The following CNTLN variants were observed in gnomAD, a reference collection of about 807,000 sequenced individuals.
CNTLN encodes the protein centlein, centrosomal protein.
Under a neutral mutation model 180.0 loss-of-function variants are expected in CNTLN, and 212 were observed. That is an observed-to-expected ratio of 1.18 (90% CI 1.05 to 1.32). The LOEUF (loss-of-function observed/expected upper bound fraction) is 1.32. CNTLN is among the 40% of genes most tolerant of loss of function. The probability of loss-of-function intolerance (pLI) is 0.00; values close to 1 mark genes in which losing one functional copy is unlikely to be tolerated. For missense variants in CNTLN, 2,095 were observed against 1,610.9 expected (o/e 1.30, Z -5.14); for synonymous variants, 722 against 563.1 (o/e 1.28, Z -3.99).
intron 2 of CNTLN, among the ~76,000 whole-genome samples, chr9:17,203,778 T>C (rs7039814): frequency 0.32 from 48,549 of 152,044 alleles, 9,618 homozygotes; most frequent in East Asian, 0.6. Flanking sequence ...AGGATGGTCT[T>C]GATCTCCGGA....
At chr9:17,526,621 G>A in the CNTLN span, among the ~76,000 whole-genome samples, 3 of 152,130 alleles carry the variant, frequency 2.0e-5, no homozygotes, top group African/African-American at 7.2e-5. Context: ...TAAAGGGTCT[G>A]GACATACTGT....
At chr9:17,140,829 T>TTG (rs1490693799) in intron 1 of CNTLN, among the ~76,000 whole-genome samples, 2 of 152,232 alleles carry the variant, frequency 1.3e-5, no homozygotes, top group African/African-American at 4.8e-5. Flanking sequence ...CAATTTTTAT[T>TTG]TGTTGATTAA....
chr9:17,440,864 C>T lies in CNTLN; in HGVS notation c.3115-16660C>T, dbSNP rs542592535. On this transcript the variant is annotated intron_variant, in intron 18 of 25. Transcript: ENST00000380647. ...AAAGACCATATACAGTATGATTCTA[C>T]TTATATAAAATGTCCAGAAAAGGCA... Among the ~76,000 whole-genome samples, 47 of 152,242 alleles carry T rather than the reference C, an allele frequency of 3.1e-4. No individual in the cohort carries two copies. In the South Asian group the frequency reaches 8.7e-3, roughly 28 times the overall value.
At chr9:17,350,386 A>G (rs924774830) in intron 12 of CNTLN, among the ~76,000 whole-genome samples, 2 of 152,130 alleles carry the variant, frequency 1.3e-5, no homozygotes, top group African/African-American at 4.8e-5. Context: ...TTAGATGGGT[A>G]CTTTTTTAGG....
chr9:17,377,217 C>A lies in CNTLN; in HGVS notation c.1987+10500C>A, dbSNP rs77805550. Among the ~76,000 whole-genome samples, 2,704 of 152,200 alleles carry A rather than the reference C, an allele frequency of 0.018. 154 individuals are homozygous for A. In the East Asian group the frequency reaches 0.23, roughly 13 times the overall value. On this transcript the variant is annotated intron_variant, in intron 13 of 25. Coordinates refer to ENST00000380647, the MANE Select transcript of CNTLN (RefSeq NM_017738.4). ...GCCATGGCTTTTCTATTTATGAATTCTTTCTTTTCGTATGTTTCTTGATTA... is the reference window on the plus strand; with the variant it reads ...GCCATGGCTTTTCTATTTATGAATTATTTCTTTTCGTATGTTTCTTGATTA...
rs544160776 is a variant in CNTLN at position 17,466,387 on chromosome 9, T to C, written c.3669+269T>C. Among the ~76,000 whole-genome samples the C allele has an allele frequency of 3.2e-4, 48 of 151,558 alleles. 1 individual carries two copies. Among genetic ancestry groups the C allele is most frequent in the Admixed American group, 1.5e-3 (23 of 15,156 alleles). Reference sequence around the variant, plus strand: ...GAACACTGGTATTTATACAAGTAGATCTAAATTTTGTAGGCCCACTTAAAC... The same window carrying C: ...GAACACTGGTATTTATACAAGTAGACCTAAATTTTGTAGGCCCACTTAAAC... On this transcript the variant is annotated intron_variant, in intron 22 of 25. Coordinates refer to ENST00000380647, the MANE Select transcript of CNTLN (RefSeq NM_017738.4).
intron 7 of CNTLN, among the ~76,000 whole-genome samples, chr9:17,308,782 A>G (rs768997377): frequency 1.3e-5 from 2 of 151,738 alleles, no homozygotes; most frequent in Admixed American, 6.6e-5. Flanking sequence ...CTTTTCCTAT[A>G]TTACACTGGC....
Position 17,137,556 on chromosome 9 carries a change from G to A in CNTLN, c.360+2131G>A, listed in dbSNP as rs527847653. Among the ~76,000 whole-genome samples the A allele has an allele frequency of 3.3e-5, 5 of 152,156 alleles. No individual in the cohort carries two copies. In the South Asian group the frequency reaches 1.0e-3, roughly 32 times the overall value. ...ACATATATTTTCAGAAAGAATACATGCCCTAATACTGTGTGGGCTGATATT... is the reference window on the plus strand; with the variant it reads ...ACATATATTTTCAGAAAGAATACATACCCTAATACTGTGTGGGCTGATATT... On this transcript the variant is annotated intron_variant, in intron 1 of 25. Coordinates refer to ENST00000380647, the MANE Select transcript of CNTLN (RefSeq NM_017738.4).
intron 10 of CNTLN, among the ~76,000 whole-genome samples, chr9:17,338,165 CTTTCT>C (rs2133180508): frequency 6.9e-6 from 1 of 145,920 alleles, no homozygotes; most frequent in East Asian, 2.0e-4. Flanking sequence ...CTTTCTTTTT[CTTTCT>C]TTTTTTTTTG....
intron 6 of CNTLN, among the ~76,000 whole-genome samples, chr9:17,296,918 C>T (rs772385092): frequency 6.6e-5 from 10 of 152,150 alleles, no homozygotes; most frequent in African/African-American, 1.9e-4. Context: ...CAACTGTCTC[C>T]GTATCTCTTT....
At chr9:17,267,338 A>T (rs1174845438) in intron 5 of CNTLN, among the ~76,000 whole-genome samples, 1 of 151,818 alleles carries the variant, frequency 6.6e-6, no homozygotes, top group Non-Finnish European at 1.5e-5. Context: ...GTTGAAAATT[A>T]TTTTTTTTAA....
intron 18 of CNTLN, among the ~76,000 whole-genome samples, chr9:17,441,630 T>C (rs563098377): frequency 1.4e-5 from 2 of 147,850 alleles, no homozygotes; most frequent in East Asian, 2.0e-4. Context: ...CAATGAAAGA[T>C]AGCAACAGAG....
chr9:17,414,586 T>G (rs1216632020), intron 16 of CNTLN, among the ~76,000 whole-genome samples: 1 of 152,182 alleles, frequency 6.6e-6, no homozygotes, highest in East Asian at 1.9e-4. Context: ...AAAAATATTT[T>G]GAGAAATGAA....
At chr9:17,151,093 C>T (rs1818839127) in intron 2 of CNTLN, among the ~76,000 whole-genome samples, 1 of 152,176 alleles carries the variant, frequency 6.6e-6, no homozygotes, top group African/African-American at 2.4e-5. Flanking sequence ...CATCTGCAAA[C>T]AGAGACAAAT....
chr9:17,211,985 T>G (rs1178113066), intron 2 of CNTLN, among the ~76,000 whole-genome samples: 2 of 152,210 alleles, frequency 1.3e-5, no homozygotes, highest in East Asian at 3.9e-4. Context: ...AAATATACAG[T>G]CATGTCGTCT....
chr9:17,287,148 A>G (rs1440956236), intron 6 of CNTLN, among the ~76,000 whole-genome samples: 58 of 142,720 alleles, frequency 4.1e-4, no homozygotes, highest in African/African-American at 1.5e-3. Flanking sequence ...TGGGTTTGTC[A>G]TAGATAGCTC....
intron 8 of CNTLN, among the ~76,000 whole-genome samples, chr9:17,327,276 A>C (rs1820360358): frequency 9.2e-6 from 1 of 108,268 alleles, no homozygotes; most frequent in Non-Finnish European, 2.0e-5. Flanking sequence ...CAGTGGCGCA[A>C]TCTTGGGTCG....
At chr9:17,477,775 T>C (rs1832429759) in intron 23 of CNTLN, among the ~76,000 whole-genome samples, 1 of 152,256 alleles carries the variant, frequency 6.6e-6, no homozygotes, top group African/African-American at 2.4e-5. Flanking sequence ...GTGAAAACGC[T>C]GTGAACATTG....
At chr9:17,310,843 ACTAT>A (rs372964582) in intron 8 of CNTLN, among the ~76,000 whole-genome samples, 38 of 151,940 alleles carry the variant, frequency 2.5e-4, no homozygotes, top group African/African-American at 8.0e-4. Flanking sequence ...TCTTTTGTGA[ACTAT>A]CTGTTTATGT....
Sources: gnomAD v4.1 joint callset for allele counts (sites outside exome capture counted in the v4.1 genomes callset) on GRCh38, gnomAD v4.1.1 for gene constraint, MANE v1.5 for transcripts, NCBI Gene and HGNC (gene_info 2026-07-23, HGNC 2026-07-21) for gene names.